SLC35F5: variants seen among roughly 807,000 people sequenced by gnomAD.
SLC35F5 encodes HCV NS5A-transactivated protein 3.
SLC35F5 carries 54 observed loss-of-function variants against 68.6 expected under a neutral mutation model. That is an observed-to-expected ratio of 0.79 (90% CI 0.63 to 0.99). The LOEUF (loss-of-function observed/expected upper bound fraction) is 0.99, where lower values mean the gene tolerates loss of function less well. Among genes scored for constraint, SLC35F5 ranks in the 50% least tolerant of loss-of-function variants. The pLI is 0.00. For synonymous variants in SLC35F5, 211 were observed against 205.2 expected (o/e 1.03, Z -0.24); for missense variants, 567 against 626.9 (o/e 0.90, Z 1.02).
At chr2:113,755,085 G>T (rs1676912667) in intron 3 of SLC35F5, 80 bp downstream of exon 3, 2 of 1,390,496 alleles carry the variant, frequency 1.4e-6, no homozygotes, top group East Asian at 2.3e-5. Context: ...GCAGGAGATT[G>T]TAACGGCTAG....
intron 7 of SLC35F5, among the ~76,000 whole-genome samples, chr2:113,736,913 T>C (rs1015637119): frequency 1.3e-5 from 2 of 152,226 alleles, no homozygotes; most frequent in African/African-American, 4.8e-5. Flanking sequence ...TTTTCACTGA[T>C]AATTCATCCA....
At chr2:113,734,539 A>T in intron 9 of SLC35F5, 47 bp downstream of exon 9, 1 of 1,065,066 alleles carries the variant, frequency 9.4e-7, no homozygotes, top group Non-Finnish European at 1.4e-6. Flanking sequence ...AAATTGTAAT[A>T]TTGTATTTTT....
intron 12 of SLC35F5, 31 bp downstream of exon 12, chr2:113,725,347 T>C: frequency 6.4e-7 from 1 of 1,567,036 alleles, no homozygotes; most frequent in African/African-American, 1.4e-5. Context: ...ATTAATCAAC[T>C]GATAATAATT....
In SLC35F5 at chr2:113,707,452, C is replaced by A. The variant is rs1258015145; in HGVS notation, c.*7766G>T. Among the ~76,000 whole-genome samples, 2 of 152,120 alleles carry A rather than the reference C, an allele frequency of 1.3e-5. No homozygotes were observed. The highest frequency in any genetic ancestry group is 2.9e-5 in the Non-Finnish European group (2 of 68,032). ...AAATTGTATATAAAATAACCCTTTA[C>A]AAGGATTTACTAGGATGACTGCAAA... On this transcript the variant is annotated 3_prime_UTR_variant, in exon 16 of 16. Transcript: ENST00000245680.
chr2:113,718,898 AAAG>A (rs1687296080), intron 14 of SLC35F5, among the ~76,000 whole-genome samples: 1 of 63,934 alleles, frequency 1.6e-5, no homozygotes, highest in Non-Finnish European at 4.8e-5. Flanking sequence ...AGAAAGAAAG[AAAG>A]AAAGAAAGAA....
In SLC35F5 at chr2:113,746,006, G is replaced by T. The variant is rs151303069; in HGVS notation, c.480+271C>A. On this transcript the variant is annotated intron_variant, in intron 5 of 15. Transcript: ENST00000245680. The stretch of plus-strand genomic sequence containing the variant: ...TAATGTGCATGAAGTGAAAAAGTTG[G>T]TTAGTAACAAAGGATTGTCCTTTAT... Among the ~76,000 whole-genome samples, 6 of 152,244 alleles carry T rather than the reference G, an allele frequency of 3.9e-5. No homozygotes were observed. In the East Asian group the frequency reaches 1.2e-3, roughly 29 times the overall value.
Position 113,746,336 on chromosome 2 carries a change from C to A in SLC35F5, c.421G>T (p.Ala141Ser), listed in dbSNP as rs370045540. 1 of 1,610,952 alleles carries A rather than the reference C, an allele frequency of 6.2e-7. No individual in the cohort carries two copies. The highest frequency in any genetic ancestry group is 2.2e-5 in the East Asian group (1 of 44,832). Residue 141 changes from alanine (A) to serine (S), a missense_variant, in exon 5 of 16, where the codon GCA (alanine) becomes TCA (serine). Ala to Ser is a moderately conservative substitution (Grantham distance 99). Transcript: ENST00000245680. ...GLRGKHAAFF[A>S]DAEGYFAACT... ...GCAGCAAAGTAACCTTCAGCATCTG[C>A]AAACTAAATACAGATAACAAGATAC... is the stretch of plus-strand genomic sequence containing the variant.
At chr2:113,719,447 T>C in intron 13 of SLC35F5, 139 bp from the exon 14 acceptor site, 1 of 632,958 alleles carries the variant, frequency 1.6e-6, no homozygotes, top group Non-Finnish European at 2.5e-6. Flanking sequence ...TGACAATGTA[T>C]TAAGTGTATT....
At chr2:113,738,050 T>G (rs1006557443) in intron 7 of SLC35F5, among the ~76,000 whole-genome samples, 1 of 151,296 alleles carries the variant, frequency 6.6e-6, no homozygotes, top group African/African-American at 2.5e-5. Context: ...CTGATTACCA[T>G]AGTCAAATTA....
intron 7 of SLC35F5, among the ~76,000 whole-genome samples, chr2:113,739,835 C>T (rs1366379879): frequency 2.0e-5 from 3 of 152,100 alleles, no homozygotes; most frequent in African/African-American, 7.2e-5. Flanking sequence ...TGACTGGAAA[C>T]CCTACTAATA....
In SLC35F5 at chr2:113,755,248, T is replaced by G. The variant is rs111569665; in HGVS notation, c.190A>C (p.Thr64Pro). Reference protein sequence around the residue: ...NRMNSQNSGFTQRRRMALGIV... With the variant: ...NRMNSQNSGFPQRRRMALGIV... ...CCAAGAGCCATTCGCCTGCGCTGAG[T>G]GAAACCACTGTTCTGGGAATTCATT... The change falls in exon 3 of 16, where the codon ACT becomes CCT. Residue 64 changes from threonine to proline, a missense_variant. Thr to Pro is a conservative substitution (Grantham distance 38, BLOSUM62 -1). Coordinates refer to ENST00000245680, the MANE Select transcript of SLC35F5 (RefSeq NM_025181.5). 3 of 1,614,126 alleles carry G rather than the reference T, an allele frequency of 1.9e-6. No homozygotes were observed. Among genetic ancestry groups the G allele is most frequent in the East Asian group, 4.5e-5 (2 of 44,874 alleles).
Position 113,755,280 on chromosome 2 carries a change from A to C in SLC35F5, c.158T>G (p.Met53Arg). The C allele has an allele frequency of 6.2e-7, 1 of 1,614,224 alleles. No individual in the cohort carries two copies. The highest frequency in any genetic ancestry group is 8.5e-7 in the Non-Finnish European group (1 of 1,180,032). ...ACTGTTCTGGGAATTCATTCGGTTC[A>C]TGACAAATACACACACCATTTGCAG... is the stretch of plus-strand genomic sequence containing the variant. ...TRLQMVCVFV[M>R]NRMNSQNSGF... The change falls in exon 3 of 16, where the codon ATG becomes AGG. Residue 53 changes from methionine to arginine, a missense_variant. Met to Arg is a moderately conservative substitution (Grantham distance 91, BLOSUM62 -1). Coordinates refer to ENST00000245680, the MANE Select transcript of SLC35F5 (RefSeq NM_025181.5).
At chr2:113,756,242 C>G in intron 1 of SLC35F5, 128 bp downstream of exon 1, 5 of 1,534,596 alleles carry the variant, frequency 3.3e-6, no homozygotes, top group Non-Finnish European at 4.4e-6. Context: ...TCCCTCCGCC[C>G]CTAGAGACCT....
At chr2:113,730,625 G>T (rs1187878631) in intron 10 of SLC35F5, among the ~76,000 whole-genome samples, 2 of 152,102 alleles carry the variant, frequency 1.3e-5, no homozygotes, top group Non-Finnish European at 2.9e-5. Context: ...TTTATTATGA[G>T]GTCTCACTAT....
chr2:113,734,305 TA>T (rs1200824719), intron 9 of SLC35F5, among the ~76,000 whole-genome samples: 1 of 152,212 alleles, frequency 6.6e-6, no homozygotes, highest in Admixed American at 6.6e-5. Context: ...ATTAAGCTGC[TA>T]CATTAAGTGT....
intron 4 of SLC35F5, among the ~76,000 whole-genome samples, chr2:113,747,896 A>T (rs187258354): frequency 2.0e-5 from 3 of 152,300 alleles, no homozygotes; most frequent in Admixed American, 2.0e-4. Context: ...GTTCAAGACC[A>T]GCCTGACCAA....
At chr2:113,731,693 A>G in intron 9 of SLC35F5, 45 bp from the exon 10 acceptor site, 1 of 1,438,918 alleles carries the variant, frequency 6.9e-7, no homozygotes, top group East Asian at 2.3e-5. Flanking sequence ...GAATTCTGAA[A>G]AGCCTAATCA....
chr2:113,730,134 C>G (rs566329115), intron 10 of SLC35F5, among the ~76,000 whole-genome samples: 7 of 152,196 alleles, frequency 4.6e-5, no homozygotes, highest in African/African-American at 1.7e-4. Flanking sequence ...TCATATTGTT[C>G]CAAATCAAGA....
intron 13 of SLC35F5, 115 bp downstream of exon 13, chr2:113,722,989 A>C (rs532565136): frequency 1.7e-6 from 1 of 584,786 alleles, no homozygotes; most frequent in South Asian, 5.5e-5. Context: ...TGGGAGAGAA[A>C]GCATCAAGTA....
Sources: gnomAD v4.1 joint callset for allele counts (sites outside exome capture counted in the v4.1 genomes callset) on GRCh38, gnomAD v4.1.1 for gene constraint, MANE v1.5 for transcripts, NCBI Gene and HGNC (gene_info 2026-07-23, HGNC 2026-07-21) for gene names.